The following GOLGA8B variants were observed in gnomAD, a reference collection of about 807,000 sequenced individuals.
The protein encoded by GOLGA8B is golgin A8 family member B.
In GOLGA8B, 1 loss-of-function variant was observed where a neutral mutation model predicts 15.6. That is an observed-to-expected ratio of 0.06 (90% CI 0.02 to 0.30). GOLGA8B has a LOEUF of 0.30. Ranked by LOEUF, GOLGA8B falls within the 10% of genes least tolerant of loss-of-function variation. The pLI, the probability that GOLGA8B is intolerant of heterozygous loss-of-function variation, is 1.00. For synonymous variants in GOLGA8B, 9 were observed against 80.3 expected (o/e 0.11, Z 4.75); for missense variants, 17 against 201.3 (o/e 0.08, Z 5.54).
chr15:34,557,644 A>G lies in GOLGA8B; in HGVS notation c.-1122-3688T>C, dbSNP rs866003308. On this transcript the variant is annotated intron_variant, in intron 1 of 23. Transcript: ENST00000683415. ...ATTTTTTTCTGAGAAGAATTCATGA[A>G]TGTGTGTGTGTGTGTGTGTGTGTGT... Among the ~76,000 whole-genome samples the G allele has an allele frequency of 2.0e-3, 154 of 76,140 alleles. 14 individuals carry two copies. Among genetic ancestry groups the G allele is most frequent in the African/African-American group, 5.9e-3 (133 of 22,532 alleles). 50.0% of individuals were successfully genotyped at this position (76,140 alleles called of 152,430 possible). A position where few individuals can be genotyped will look rare whatever the true frequency, so the allele number is the denominator to read the frequency against.
chr15:34,525,187 C>T lies in GOLGA8B; in HGVS notation c.*2445G>A, dbSNP rs1301172963. 1 of 149,858 alleles carries T rather than the reference C, an allele frequency of 6.7e-6. No homozygotes were observed. Among genetic ancestry groups the T allele is most frequent in the Non-Finnish European group, 1.5e-5 (1 of 67,320 alleles). The allele number at this position is 149,858 out of a possible 1,614,324, so 9.3% of individuals were successfully genotyped here. On this transcript the variant is annotated 3_prime_UTR_variant, in exon 24 of 24. Coordinates refer to ENST00000683415, the MANE Select transcript of GOLGA8B (RefSeq NM_001023567.5). ...TTTGTGAAAATGAAACAGATTATCT[C>T]ATGCCAAGCATGCCCAGTATTTGCA...
At chr15:34,581,999 G>A (rs970440315) in intron 1 of GOLGA8B, among the ~76,000 whole-genome samples, 1 of 152,058 alleles carries the variant, frequency 6.6e-6, no homozygotes, top group Non-Finnish European at 1.5e-5. Context: ...GACACTGCCC[G>A]GAGCCCCAGC....
chr15:34,564,684 T>C (rs1888712478), intron 1 of GOLGA8B, among the ~76,000 whole-genome samples: 1 of 144,946 alleles, frequency 6.9e-6, no homozygotes, highest in African/African-American at 2.5e-5. Context: ...ACAAGATTTT[T>C]TCTGCAGGTA....
At chr15:34,582,595 CT>C (rs1314387497) in intron 1 of GOLGA8B, among the ~76,000 whole-genome samples, 13 of 152,238 alleles carry the variant, frequency 8.5e-5, no homozygotes, top group Admixed American at 7.8e-4. Context: ...AAAAATAAGC[CT>C]TTCTTCTGCC....
intron 1 of GOLGA8B, among the ~76,000 whole-genome samples, chr15:34,557,078 T>TC (rs746081702): frequency 2.2e-4 from 28 of 127,552 alleles, no homozygotes; most frequent in Non-Finnish European, 3.5e-4. Flanking sequence ...AAGACACCCC[T>TC]CCTCCCACCC....
chr15:34,582,307 G>A (rs1442945454), intron 1 of GOLGA8B, among the ~76,000 whole-genome samples: 2 of 152,230 alleles, frequency 1.3e-5, no homozygotes, highest in Non-Finnish European at 2.9e-5. Flanking sequence ...TGAACCTTAG[G>A]AAAACTTGTC....
intron 1 of GOLGA8B, among the ~76,000 whole-genome samples, chr15:34,568,922 C>T (rs974940005): frequency 6.8e-6 from 1 of 146,354 alleles, no homozygotes; most frequent in Admixed American, 6.7e-5. Context: ...GCCTTGTGTA[C>T]GCTCGCGCTC....
At chr15:34,579,190 C>A (rs1313492548) in intron 1 of GOLGA8B, among the ~76,000 whole-genome samples, 1 of 151,986 alleles carries the variant, frequency 6.6e-6, no homozygotes, top group African/African-American at 2.4e-5. Context: ...GCTCCTGTTA[C>A]TCCAAATCCC....
chr15:34,565,670 TC>T (rs753137756), intron 1 of GOLGA8B, among the ~76,000 whole-genome samples: 736 of 2,742 alleles, frequency 0.27, 65 homozygotes, highest in South Asian at 0.37. Context: ...TTTCTTTCTT[TC>T]TTTCTTTCTT....
chr15:34,554,154 T>C (rs1888425894), intron 1 of GOLGA8B, among the ~76,000 whole-genome samples, 198 bp from the exon 2 acceptor site: 1 of 134,126 alleles, frequency 7.5e-6, no homozygotes. Context: ...GTGCAGACTA[T>C]AGGTTCATGT....
At chr15:34,554,417 ACACAC>A (rs1888436626) in intron 1 of GOLGA8B, among the ~76,000 whole-genome samples, 1 of 147,082 alleles carries the variant, frequency 6.8e-6, no homozygotes. Flanking sequence ...CATACCCCAT[ACACAC>A]CACACACCAA....
At chr15:34,572,798 G>C (rs1888956689) in intron 1 of GOLGA8B, among the ~76,000 whole-genome samples, 1 of 152,172 alleles carries the variant, frequency 6.6e-6, no homozygotes, top group South Asian at 2.1e-4. Context: ...ATATTTAAAG[G>C]ATCTCAAGAT....
At chr15:34,581,936 C>G (rs1301707263) in intron 1 of GOLGA8B, among the ~76,000 whole-genome samples, 1 of 152,204 alleles carries the variant, frequency 6.6e-6, no homozygotes, top group African/African-American at 2.4e-5. Flanking sequence ...TAGAGCCCAC[C>G]GAGGGCTGCC....
At chr15:34,573,334 C>G (rs1399039937) in intron 1 of GOLGA8B, among the ~76,000 whole-genome samples, 1 of 152,076 alleles carries the variant, frequency 6.6e-6, no homozygotes, top group Non-Finnish European at 1.5e-5. Context: ...ATCAGGAGAT[C>G]AAGACCATCC....
intron 1 of GOLGA8B, among the ~76,000 whole-genome samples, chr15:34,579,359 A>C (rs138119978): frequency 6.6e-6 from 1 of 151,984 alleles, no homozygotes; most frequent in Non-Finnish European, 1.5e-5. Flanking sequence ...ATTAGGTACA[A>C]GACAAGTTTG....
At chr15:34,548,256 C>T (rs1419218830) in intron 4 of GOLGA8B, among the ~76,000 whole-genome samples, 3 of 150,032 alleles carry the variant, frequency 2.0e-5, no homozygotes, top group Admixed American at 6.7e-5. Flanking sequence ...CTTTTAAGAT[C>T]TGAAGATCAC....
chr15:34,577,205 G>A (rs1215446374), intron 1 of GOLGA8B, among the ~76,000 whole-genome samples: 2 of 151,996 alleles, frequency 1.3e-5, no homozygotes, highest in African/African-American at 4.8e-5. Flanking sequence ...TACACCAAAA[G>A]ACTGAGAAAC....
intron 6 of GOLGA8B, among the ~76,000 whole-genome samples, 171 bp downstream of exon 6, chr15:34,545,207 G>A (rs1248958118): frequency 2.7e-5 from 3 of 113,062 alleles, no homozygotes; most frequent in Non-Finnish European, 5.2e-5. Context: ...CATAGATGCA[G>A]CACCAAGTAC....
chr15:34,580,605 C>A (rs1028931989), intron 1 of GOLGA8B, among the ~76,000 whole-genome samples: 3 of 152,090 alleles, frequency 2.0e-5, no homozygotes, highest in African/African-American at 7.2e-5. Flanking sequence ...GCGACAGTGC[C>A]CATGACAGCT....
Sources: gnomAD v4.1 joint callset for allele counts (sites outside exome capture counted in the v4.1 genomes callset) on GRCh38, gnomAD v4.1.1 for gene constraint, MANE v1.5 for transcripts, NCBI Gene and HGNC (gene_info 2026-07-23, HGNC 2026-07-21) for gene names.